PLCZ1: variants seen among roughly 807,000 people sequenced by gnomAD.
PLCZ1 encodes 1-phosphatidylinositol 4,5-bisphosphate phosphodiesterase zeta-1.
PLCZ1 carries 64 observed loss-of-function variants against 76.8 expected under a neutral mutation model. The ratio of observed to expected loss-of-function variants is 0.83; its 90% confidence interval spans 0.68 to 1.03. The LOEUF (loss-of-function observed/expected upper bound fraction) is 1.03. Ranked by LOEUF, PLCZ1 falls within the 50% of genes least tolerant of loss-of-function variation. The pLI, the probability that PLCZ1 is intolerant of heterozygous loss-of-function variation, is 0.00. For missense variants in PLCZ1, 751 were observed against 713.7 expected (o/e 1.05, Z -0.60); for synonymous variants, 248 against 230.8 (o/e 1.07, Z -0.68).
At chr12:18,654,289 G>C in the PLCZ1 span, among the ~76,000 whole-genome samples, 1 of 64,632 alleles carries the variant, frequency 1.5e-5, no homozygotes, top group Non-Finnish European at 2.8e-5. Context: ...AGAAACACTA[G>C]TACCTAAAAA....
chr12:18,708,774 T>C (rs1200411950), intron 6 of PLCZ1, among the ~76,000 whole-genome samples: 1 of 152,152 alleles, frequency 6.6e-6, no homozygotes, highest in African/African-American at 2.4e-5. Context: ...TAATGTTGAG[T>C]ACCTTTTCAT....
chr12:18,672,857 G>A, the PLCZ1 span, among the ~76,000 whole-genome samples: 5 of 152,138 alleles, frequency 3.3e-5, no homozygotes, highest in African/African-American at 1.2e-4. Flanking sequence ...CTACTACCTA[G>A]GCAGAGGGCA....
chr12:18,716,247 TG>T (rs1957971988), intron 5 of PLCZ1, among the ~76,000 whole-genome samples: 2 of 151,376 alleles, frequency 1.3e-5, no homozygotes, highest in East Asian at 3.9e-4. Context: ...TTACTTGGGG[TG>T]GGGGGAAAAA....
At chr12:18,668,502 C>G in the PLCZ1 span, among the ~76,000 whole-genome samples, 1 of 152,172 alleles carries the variant, frequency 6.6e-6, no homozygotes. Flanking sequence ...TGCCTGCCGT[C>G]TACTACAACT....
chr12:18,695,675 G>A (rs12809454), intron 11 of PLCZ1, among the ~76,000 whole-genome samples: 5,325 of 152,116 alleles, frequency 0.035, 128 homozygotes, highest in East Asian at 0.082. Context: ...TGATGGGTTA[G>A]TGCAGTGCTG....
At chr12:18,650,702 G>A in the PLCZ1 span, among the ~76,000 whole-genome samples, 151 of 27,620 alleles carry the variant, frequency 5.5e-3, 5 homozygotes, top group Non-Finnish European at 0.011. Context: ...GTGTGTGTGT[G>A]TGTATATATC....
rs1217692923 is a variant in PLCZ1 at position 18,712,838 on chromosome 12, A to G, written c.714+4T>C. ...GCTACAGTTGAACAAAGATATGTACATACCATGAATGCATACTTGTGTATA... is the reference window on the plus strand; with the variant it reads ...GCTACAGTTGAACAAAGATATGTACGTACCATGAATGCATACTTGTGTATA... On this transcript the variant is annotated splice_donor_region_variant and intron_variant, in intron 6 of 14. Coordinates refer to ENST00000266505, the MANE Select transcript of PLCZ1 (RefSeq NM_033123.4). 1 of 1,613,514 alleles carries G rather than the reference A, an allele frequency of 6.2e-7. No individual in the cohort carries two copies. The highest frequency in any genetic ancestry group is 8.5e-7 in the Non-Finnish European group (1 of 1,179,556).
intron 6 of PLCZ1, among the ~76,000 whole-genome samples, chr12:18,707,019 T>C (rs1365572529): frequency 6.6e-6 from 1 of 152,214 alleles, no homozygotes; most frequent in Non-Finnish European, 1.5e-5. Context: ...CACATCTCTC[T>C]AATCTCTGTC....
At chr12:18,699,710 TAAATATC>T in intron 10 of PLCZ1, 77 bp downstream of exon 10, 1 of 1,352,202 alleles carries the variant, frequency 7.4e-7, no homozygotes, top group Non-Finnish European at 1.1e-6. Context: ...ATACATTTTA[TAAATATC>T]ATTGAGCAAT....
rs1414319019 is a variant in PLCZ1, at chr12:18,719,504, T to C, written c.496A>G (p.Ile166Val). The C allele has an allele frequency of 6.3e-7, 1 of 1,588,774 alleles. No homozygotes were observed. The highest frequency in any genetic ancestry group is 8.6e-7 in the Non-Finnish European group (1 of 1,165,246). Residue 166 changes from isoleucine (I) to valine (V), a missense_variant, in exon 5 of 15, where the codon ATT becomes GTT. Ile to Val is a conservative substitution (Grantham distance 29). Transcript: ENST00000266505. ...DMTHPLNDYF[I>V]SSSHNTYLVS... ...AAATATGTGTTATGTGAAGATGAAA[T>C]AAAATAATCATTTAATGGATGAGTC...
At chr12:18,669,873 G>A in the PLCZ1 span, among the ~76,000 whole-genome samples, 1,967 of 152,178 alleles carry the variant, frequency 0.013, 48 homozygotes, top group African/African-American at 0.046. Flanking sequence ...GTTTCACCAC[G>A]TTGCTCAGGC....
chr12:18,674,855 A>G, the PLCZ1 span, among the ~76,000 whole-genome samples: 1 of 152,108 alleles, frequency 6.6e-6, no homozygotes, highest in Admixed American at 6.6e-5. Flanking sequence ...CGCTTAGAAC[A>G]CTTCCACCAG....
At position 18,690,676 on chromosome 12, in the gene PLCZ1, A is replaced by C. The variant is rs78746836; in HGVS notation, c.1462-2458T>G. On this transcript the variant is annotated intron_variant, in intron 12 of 14. Coordinates refer to ENST00000266505, the MANE Select transcript of PLCZ1 (RefSeq NM_033123.4). ...AAAGCTATGAAAAGAAGCACAGCTA[A>C]CCTAGCCTAGGAAAATGCTTTCAAA... Among the ~76,000 whole-genome samples the C allele has an allele frequency of 1.2e-3, 177 of 152,308 alleles. No individual in the cohort carries two copies. The East Asian group carries it at 0.025, about 21-fold the overall frequency.
intron 2 of PLCZ1, chr12:18,736,874 C>G (rs1336339056): frequency 2.3e-6 from 1 of 427,010 alleles, no homozygotes; most frequent in Non-Finnish European, 4.7e-6. Flanking sequence ...GTCCAATGCC[C>G]AGCTACACAC....
chr12:18,732,452 C>A (rs990157620), intron 3 of PLCZ1, among the ~76,000 whole-genome samples: 1 of 152,204 alleles, frequency 6.6e-6, no homozygotes. Flanking sequence ...ACGCCTGGAC[C>A]CTCTTTATAA....
chr12:18,689,947 C>T (rs1014672784), intron 12 of PLCZ1, among the ~76,000 whole-genome samples: 1 of 152,106 alleles, frequency 6.6e-6, no homozygotes, highest in Admixed American at 6.6e-5. Flanking sequence ...ACCCACATGG[C>T]CATGGCAGCA....
At chr12:18,650,674 G>A in the PLCZ1 span, among the ~76,000 whole-genome samples, 74 of 30,690 alleles carry the variant, frequency 2.4e-3, no homozygotes, top group Admixed American at 3.1e-3. Flanking sequence ...ATGTGTGTGT[G>A]TGTGTGTGTG....
At chr12:18,650,923 C>A in the PLCZ1 span, among the ~76,000 whole-genome samples, 2 of 151,538 alleles carry the variant, frequency 1.3e-5, no homozygotes, top group Admixed American at 6.6e-5. Context: ...CAGTCTCCTC[C>A]TTTCTATGCT....
At chr12:18,647,682 A>G in the PLCZ1 span, among the ~76,000 whole-genome samples, 17,552 of 152,144 alleles carry the variant, frequency 0.12, 1,263 homozygotes, top group African/African-American at 0.2. Flanking sequence ...ATAGCCTGTC[A>G]TTAAACTCTA....
Sources: allele counts gnomAD v4.1 joint callset (sites outside exome capture counted in the v4.1 genomes callset), GRCh38; gene constraint gnomAD v4.1.1; transcripts MANE v1.5; gene names NCBI Gene and HGNC (gene_info 2026-07-23, HGNC 2026-07-21).